The following CDH18 variants were observed in gnomAD, a reference collection of about 807,000 sequenced individuals.
CDH18 encodes the protein cadherin-18.
CDH18 carries 31 observed loss-of-function variants against 67.9 expected under a neutral mutation model. The observed-to-expected ratio is 0.46, with a 90% confidence interval of 0.34 to 0.62. The LOEUF (loss-of-function observed/expected upper bound fraction) is 0.62. Among genes scored for constraint, CDH18 ranks in the 20% least tolerant of loss-of-function variants. The pLI is 0.01. For synonymous variants in CDH18, 362 were observed against 347.2 expected, an observed-to-expected ratio of 1.04 and a Z score of -0.48; for missense variants, 890 against 975.5, an observed-to-expected ratio of 0.91 and a Z score of 1.17.
chr5:19,811,260 G>A (rs1778716156), intron 3 of CDH18, among the ~76,000 whole-genome samples: 1 of 152,016 alleles, frequency 6.6e-6, no homozygotes, highest in Non-Finnish European at 1.5e-5. Context: ...TTAAAGCTCT[G>A]AACCCCAATA....
At chr5:19,478,809 C>G (rs1338762453) in intron 12 of CDH18, among the ~76,000 whole-genome samples, 6 of 152,084 alleles carry the variant, frequency 3.9e-5, no homozygotes, top group African/African-American at 1.4e-4. Context: ...AAAGTCAGGC[C>G]TCTGGGAGGG....
chr5:20,248,580 A>C (rs1000332083), intron 2 of CDH18, among the ~76,000 whole-genome samples: 1 of 152,182 alleles, frequency 6.6e-6, no homozygotes, highest in Non-Finnish European at 1.5e-5. Context: ...TAGGAAACAG[A>C]GTATATACCT....
At chr5:20,534,478 A>T (rs185915512) in intron 1 of CDH18, among the ~76,000 whole-genome samples, 70 of 152,200 alleles carry the variant, frequency 4.6e-4, no homozygotes, top group African/African-American at 1.6e-3. Context: ...AACAGAATAC[A>T]ATTGTCTTTG....
intron 1 of CDH18, among the ~76,000 whole-genome samples, chr5:20,555,574 A>G (rs1757862751): frequency 6.6e-6 from 1 of 151,496 alleles, no homozygotes; most frequent in South Asian, 2.1e-4. Context: ...CCTCCCAAGT[A>G]GCTGGGATTA....
chr5:20,056,024 G>A (rs1741876188), intron 2 of CDH18, among the ~76,000 whole-genome samples: 1 of 55,368 alleles, frequency 1.8e-5, no homozygotes, highest in Admixed American at 2.1e-4. Flanking sequence ...TTTTTTGTGA[G>A]ATTTGAGTCT....
At chr5:19,706,797 G>C in intron 5 of CDH18, among the ~76,000 whole-genome samples, 1 of 152,132 alleles carries the variant, frequency 6.6e-6, no homozygotes, top group East Asian at 1.9e-4. Context: ...AGCCATAGTG[G>C]AAAGAATGAA....
chr5:19,786,402 T>TAAAG (rs1469791017), intron 3 of CDH18, among the ~76,000 whole-genome samples: 1 of 152,150 alleles, frequency 6.6e-6, no homozygotes, highest in Non-Finnish European at 1.5e-5. Flanking sequence ...TTTAGAGAAA[T>TAAAG]AAAGTAATTG....
Position 19,504,846 on chromosome 5 carries a change from C to T in CDH18, c.1513-1737G>A, listed in dbSNP as rs180674037. The stretch of plus-strand genomic sequence containing the variant: ...TACTTTTTATCCAAGAATCGAATTT[C>T]GGAGTGATTGGTGAAGAATATTTCA... On this transcript the variant is annotated intron_variant, in intron 10 of 12. Transcript: ENST00000382275. Among the ~76,000 whole-genome samples the T allele has an allele frequency of 2.6e-3, 392 of 152,128 alleles. 3 individuals are homozygous for T. Among genetic ancestry groups the T allele is most frequent in the African/African-American group, 8.9e-3 (371 of 41,552 alleles).
At chr5:20,538,902 TTTTTTTG>T (rs1337293702) in intron 1 of CDH18, among the ~76,000 whole-genome samples, 5 of 130,650 alleles carry the variant, frequency 3.8e-5, no homozygotes, top group African/African-American at 1.2e-4. Flanking sequence ...CCAACTGTTT[TTTTTTTG>T]TTTTTTTTTT....
chr5:20,125,037 A>AT (rs963665751), intron 2 of CDH18, among the ~76,000 whole-genome samples: 1 of 152,100 alleles, frequency 6.6e-6, no homozygotes, highest in African/African-American at 2.4e-5. Context: ...GAGGAGGATG[A>AT]TTTGTCACCT....
At chr5:20,182,699 T>G (rs1295130772) in intron 2 of CDH18, among the ~76,000 whole-genome samples, 2 of 151,480 alleles carry the variant, frequency 1.3e-5, no homozygotes, top group Admixed American at 1.3e-4. Flanking sequence ...ATAAAATGGC[T>G]AGAGGTAGGG....
chr5:19,936,512 C>T (rs1413699573), intron 2 of CDH18, among the ~76,000 whole-genome samples: 1 of 150,894 alleles, frequency 6.6e-6, no homozygotes, highest in East Asian at 1.9e-4. Context: ...AAATAATGTG[C>T]TGTATACTTT....
At chr5:20,416,130 T>C (rs975187973) in intron 1 of CDH18, among the ~76,000 whole-genome samples, 1 of 152,182 alleles carries the variant, frequency 6.6e-6, no homozygotes, top group African/African-American at 2.4e-5. Flanking sequence ...GTAGATATCA[T>C]GTTAAGTGTT....
At chr5:20,445,794 A>G (rs1031436305) in intron 1 of CDH18, among the ~76,000 whole-genome samples, 2 of 152,218 alleles carry the variant, frequency 1.3e-5, no homozygotes, top group Non-Finnish European at 2.9e-5. Flanking sequence ...CAACAATCTC[A>G]GTTCTTGTGA....
intron 1 of CDH18, among the ~76,000 whole-genome samples, chr5:20,568,736 A>T (rs569958056): frequency 1.8e-4 from 27 of 152,232 alleles, no homozygotes; most frequent in Admixed American, 1.4e-3. Context: ...ACTACTAAAC[A>T]TCTTGAGAAA....
At chr5:20,187,420 G>T (rs11954818) in intron 2 of CDH18, among the ~76,000 whole-genome samples, 1 of 151,700 alleles carries the variant, frequency 6.6e-6, no homozygotes, top group Non-Finnish European at 1.5e-5. Flanking sequence ...GAAGACAAAT[G>T]GGACCAAGAC....
chr5:19,502,905 T>C, intron 11 of CDH18, 87 bp downstream of exon 11: 1 of 819,896 alleles, frequency 1.2e-6, no homozygotes. Flanking sequence ...TTGCAAGATG[T>C]TTGTGTGTAT....
chr5:20,400,384 G>C (rs1745653988), intron 1 of CDH18, among the ~76,000 whole-genome samples: 1 of 151,982 alleles, frequency 6.6e-6, no homozygotes, highest in African/African-American at 2.4e-5. Flanking sequence ...AGGCTCAGGT[G>C]GGAGAATTGC....
intron 2 of CDH18, among the ~76,000 whole-genome samples, chr5:20,067,574 T>C (rs1743089312): frequency 6.6e-6 from 1 of 152,102 alleles, no homozygotes; most frequent in Non-Finnish European, 1.5e-5. Flanking sequence ...AAGTTGCTAA[T>C]GTATTAATAC....
Sources: gnomAD v4.1 joint callset for allele counts (sites outside exome capture counted in the v4.1 genomes callset) on GRCh38, gnomAD v4.1.1 for gene constraint, MANE v1.5 for transcripts, NCBI Gene and HGNC (gene_info 2026-07-23, HGNC 2026-07-21) for gene names.